The following CD8B2 variants were observed in gnomAD, a reference collection of about 807,000 sequenced individuals.
The protein encoded by CD8B2 is CD8B family member 2.
In CD8B2, 11 loss-of-function variants were observed where a neutral mutation model predicts 23.7. The ratio of observed to expected loss-of-function variants is 0.46; its 90% CI spans 0.29 to 0.77. The LOEUF (loss-of-function observed/expected upper bound fraction) is 0.77. Among genes scored for constraint, CD8B2 ranks in the 30% least tolerant of loss-of-function variants. The pLI is 0.09. For synonymous variants in CD8B2, 90 were observed against 109.3 expected (o/e 0.82, Z 1.10); for missense variants, 197 against 270.5 (o/e 0.73, Z 1.91).
chr2:106,488,701 C>A (rs61678689), intron 1 of CD8B2, among the ~76,000 whole-genome samples: 39,463 of 152,196 alleles, frequency 0.26, 5,431 homozygotes, highest in African/African-American at 0.31. Flanking sequence ...ACCTTGAGCA[C>A]ATCTTTAACC....
chr2:106,488,338 C>G (rs1160217577), intron 1 of CD8B2, among the ~76,000 whole-genome samples: 7 of 151,162 alleles, frequency 4.6e-5, no homozygotes, highest in African/African-American at 7.3e-5. Flanking sequence ...CCTGGGTTAC[C>G]GAGGGGAACA....
At position 106,510,063 on chromosome 2, in the gene CD8B2, T is replaced by C. The variant is rs1364482141; in HGVS notation, c.*3123T>C. The C allele has an allele frequency of 1.3e-5, 2 of 152,254 alleles. No individual in the cohort carries two copies. Among genetic ancestry groups the C allele is most frequent in the Non-Finnish European group, 2.9e-5 (2 of 68,052 alleles). 9.4% of individuals were successfully genotyped at this position (152,254 alleles called of 1,614,324 possible). On this transcript the variant is annotated 3_prime_UTR_variant, in exon 6 of 6. Transcript: ENST00000643224. Reference sequence around the variant, plus strand: ...TCAAATGATGGTCATGACAAATGCATATATTTTTAAAACATCTGTATAGAT... The same window carrying C: ...TCAAATGATGGTCATGACAAATGCACATATTTTTAAAACATCTGTATAGAT...
In CD8B2 at chr2:106,508,355, G is replaced by A. The variant is rs1679554100; in HGVS notation, c.*1415G>A. 1 of 151,916 alleles carries A rather than the reference G, an allele frequency of 6.6e-6. No homozygotes were observed. Among genetic ancestry groups the A allele is most frequent in the Non-Finnish European group, 1.5e-5 (1 of 67,988 alleles). 9.4% of individuals were successfully genotyped at this position (151,916 alleles called of 1,614,324 possible). A position where few individuals can be genotyped will look rare whatever the true frequency, so the allele number is the denominator to read the frequency against. ...AAATGTTACAAAAAAAACAGGAAAG[G>A]AAAGACGACTCTGGGGAAGGGGCAG... On this transcript the variant is annotated 3_prime_UTR_variant, in exon 6 of 6. Transcript: ENST00000643224.
chr2:106,519,070 C>A (rs1273503970), intron 5 of CD8B2, among the ~76,000 whole-genome samples: 2 of 152,120 alleles, frequency 1.3e-5, no homozygotes, highest in Non-Finnish European at 2.9e-5. Context: ...CATCATCCAT[C>A]CATCCATCCA....
At chr2:106,492,540 TG>T (rs1301532119) in intron 2 of CD8B2, among the ~76,000 whole-genome samples, 3 of 152,230 alleles carry the variant, frequency 2.0e-5, no homozygotes, top group African/African-American at 4.8e-5. Flanking sequence ...GCAGCACCTG[TG>T]GCATATTGGA....
At chr2:106,522,473 CT>C (rs1390863739) in intron 5 of CD8B2, among the ~76,000 whole-genome samples, 1 of 152,166 alleles carries the variant, frequency 6.6e-6, no homozygotes, top group Non-Finnish European at 1.5e-5. Flanking sequence ...TTATTTTGCT[CT>C]TGTGAGTTAA....
At chr2:106,525,732 T>C (rs1679897242) in intron 5 of CD8B2, among the ~76,000 whole-genome samples, 1 of 152,220 alleles carries the variant, frequency 6.6e-6, no homozygotes, top group Admixed American at 6.5e-5. Flanking sequence ...ATATGGCCTT[T>C]TGTGACTGGC....
chr2:106,542,459 C>A (rs1033414429), intron 5 of CD8B2, among the ~76,000 whole-genome samples: 1 of 152,014 alleles, frequency 6.6e-6, no homozygotes, highest in South Asian at 2.1e-4. Flanking sequence ...TGAGGAAAAA[C>A]TCTCAATATA....
intron 1 of CD8B2, among the ~76,000 whole-genome samples, chr2:106,490,304 T>C (rs1162330863): frequency 1.3e-5 from 2 of 152,126 alleles, no homozygotes; most frequent in African/African-American, 4.8e-5. Context: ...TTACATACTG[T>C]AAGTGGGACT....
intron 5 of CD8B2, among the ~76,000 whole-genome samples, chr2:106,524,413 CCTT>C (rs1449649452): frequency 6.6e-6 from 1 of 152,182 alleles, no homozygotes; most frequent in Non-Finnish European, 1.5e-5. Context: ...GCAGGCCTCT[CCTT>C]CTGTTGAAGG....
rs1167673376 is a variant in CD8B2 at position 106,510,262 on chromosome 2, T to C, written c.*3322T>C. The stretch of plus-strand genomic sequence containing the variant: ...GAAGGTGAGCGTTTCTGCTTCTCAA[T>C]CTGGGAATCACTTATATGAGTGTGT... On this transcript the variant is annotated 3_prime_UTR_variant, in exon 6 of 6. Transcript: ENST00000643224. The C allele has an allele frequency of 1.3e-5, 2 of 152,202 alleles. No homozygotes were observed. The highest frequency in any genetic ancestry group is 1.9e-4 in the East Asian group (1 of 5,196). The allele number at this position is 152,202 out of a possible 1,614,324, so 9.4% of individuals were successfully genotyped here.
At chr2:106,490,361 G>A (rs1679169586) in intron 1 of CD8B2, among the ~76,000 whole-genome samples, 1 of 152,018 alleles carries the variant, frequency 6.6e-6, no homozygotes, top group Admixed American at 6.6e-5. Context: ...GTGTAACGAG[G>A]ATTAAAAATC....
chr2:106,519,106 C>G (rs1679779057), intron 5 of CD8B2, among the ~76,000 whole-genome samples: 1 of 152,046 alleles, frequency 6.6e-6, no homozygotes, highest in African/African-American at 2.4e-5. Context: ...TAGGCCTCAT[C>G]AAGATGTTTA....
intron 5 of CD8B2, among the ~76,000 whole-genome samples, chr2:106,520,797 G>C (rs1489699241): frequency 1.3e-5 from 2 of 152,092 alleles, no homozygotes. Flanking sequence ...TGGAACCTGG[G>C]AGGTGGAGGT....
chr2:106,491,733 G>A (rs1679200366), intron 2 of CD8B2, among the ~76,000 whole-genome samples: 1 of 152,016 alleles, frequency 6.6e-6, no homozygotes, highest in Non-Finnish European at 1.5e-5. Context: ...ATTTTTAGTG[G>A]AGACGAGATT....
At chr2:106,514,585 C>A (rs192793352), downstream of CD8B2, among the ~76,000 whole-genome samples, 1,820 of 151,860 alleles carry the variant, frequency 0.012, 19 homozygotes, top group Non-Finnish European at 0.016. Flanking sequence ...CTGTGCCCGG[C>A]CTGGAACGTC....
intron 5 of CD8B2, among the ~76,000 whole-genome samples, chr2:106,542,086 T>G (rs1208298404): frequency 6.6e-6 from 1 of 152,260 alleles, no homozygotes; most frequent in Non-Finnish European, 1.5e-5. Context: ...ATACGCCACT[T>G]GCCACTTTAA....
intron 3 of CD8B2, among the ~76,000 whole-genome samples, chr2:106,496,836 A>G (rs1679309362): frequency 6.6e-6 from 1 of 152,100 alleles, no homozygotes; most frequent in Admixed American, 6.6e-5. Flanking sequence ...CTGAAATTAC[A>G]TTATGATAAT....
chr2:106,524,788 T>C (rs1679884851), intron 5 of CD8B2, among the ~76,000 whole-genome samples: 2 of 152,154 alleles, frequency 1.3e-5, no homozygotes, highest in South Asian at 4.1e-4. Context: ...GTGCAAACTG[T>C]ACCTCTGGTG....
Sources: allele counts gnomAD v4.1 joint callset (sites outside exome capture counted in the v4.1 genomes callset), GRCh38; gene constraint gnomAD v4.1.1; transcripts MANE v1.5; gene names NCBI Gene and HGNC (gene_info 2026-07-23, HGNC 2026-07-21).